CCDC170: variants seen among roughly 807,000 people sequenced by gnomAD.
The protein encoded by CCDC170 is coiled-coil domain-containing protein 170.
Under a neutral mutation model 72.6 loss-of-function variants are expected in CCDC170, and 69 were observed. That is an observed-to-expected ratio of 0.95 (90% CI 0.78 to 1.16). The LOEUF (loss-of-function observed/expected upper bound fraction) is 1.16, where lower values mean the gene tolerates loss of function less well. CCDC170 is among the 50% of genes most tolerant of loss of function. The probability of loss-of-function intolerance (pLI) is 0.00; values close to 1 mark genes in which losing one functional copy is unlikely to be tolerated. For missense variants in CCDC170, 852 were observed against 832.5 expected (o/e 1.02, Z -0.29); for synonymous variants, 300 against 303.9 (o/e 0.99, Z 0.13).
At chr6:151,498,970 C>A (rs13209051) in intron 1 of CCDC170, among the ~76,000 whole-genome samples, 294 of 116,908 alleles carry the variant, frequency 2.5e-3, no homozygotes, top group African/African-American at 0.01. Flanking sequence ...GTATTTGACT[C>A]TTCTAGGCAC....
chr6:151,593,813 C>T (rs1039604900), intron 8 of CCDC170, among the ~76,000 whole-genome samples: 1 of 152,162 alleles, frequency 6.6e-6, no homozygotes, highest in Non-Finnish European at 1.5e-5. Context: ...GCTACATGAA[C>T]TTTTGTTTAT....
At chr6:151,554,011 T>C (rs954824435) in intron 5 of CCDC170, among the ~76,000 whole-genome samples, 1 of 152,174 alleles carries the variant, frequency 6.6e-6, no homozygotes, top group Non-Finnish European at 1.5e-5. Context: ...TCTGATCTGC[T>C]TGAAGACTCT....
At chr6:151,602,427 A>T (rs1162594866) in intron 9 of CCDC170, among the ~76,000 whole-genome samples, 1 of 152,234 alleles carries the variant, frequency 6.6e-6, no homozygotes, top group East Asian at 1.9e-4. Flanking sequence ...GAATTTTAAA[A>T]ATTAGGGATA....
intron 1 of CCDC170, among the ~76,000 whole-genome samples, chr6:151,508,671 C>CCACTG (rs1475483081): frequency 6.6e-6 from 1 of 152,078 alleles, no homozygotes; most frequent in African/African-American, 2.4e-5. Context: ...TGAGATCACA[C>CCACTG]CACTGCACTC....
Position 151,596,578 on chromosome 6 carries a change from G to A in CCDC170, c.1710+1G>A, listed in dbSNP as rs779315882. 7.4e-6 allele frequency: 12 copies of A among 1,613,612 alleles called. No individual in the cohort carries two copies. The highest frequency in any genetic ancestry group is 1.7e-4 in the Middle Eastern group (1 of 6,058). Reference sequence around the variant, plus strand: ...ACTGGCCGACACCAATGAACTGAAGGCAAGTGCTTGGCTTCATTTTGTTGT... The same window carrying A: ...ACTGGCCGACACCAATGAACTGAAGACAAGTGCTTGGCTTCATTTTGTTGT... On this transcript the variant is annotated splice_donor_variant, in intron 9 of 10. Coordinates refer to ENST00000239374, the MANE Select transcript of CCDC170 (RefSeq NM_025059.4). LOFTEE classifies it high-confidence loss of function.
chr6:151,559,561 G>T (rs1292167845), intron 5 of CCDC170, among the ~76,000 whole-genome samples: 1 of 152,064 alleles, frequency 6.6e-6, no homozygotes, highest in Non-Finnish European at 1.5e-5. Flanking sequence ...TTTGTATTCT[G>T]CTACTTTACT....
chr6:151,516,420 G>C (rs1237903508), intron 1 of CCDC170, among the ~76,000 whole-genome samples: 1 of 152,156 alleles, frequency 6.6e-6, no homozygotes, highest in Non-Finnish European at 1.5e-5. Context: ...TGTTTTGTGG[G>C]TTTTGAAATT....
chr6:151,585,897 C>A lies in CCDC170; in HGVS notation c.1101C>A (p.Ser367=), dbSNP rs374240577. The change falls in exon 7 of 11, where the codon TCC becomes TCA. Residue 367 remains serine (S), a synonymous_variant. Transcript: ENST00000239374. ...TGTTTCTTTGTTTCCAGATGGTCTC[C>A]CAGCTTGAAGCCCAAATATCTGAGC... The part of the protein sequence containing the change: ...SREESRDRMV[S]QLEAQISELV... 1 of 1,613,190 alleles carries A rather than the reference C, an allele frequency of 6.2e-7. No homozygotes were observed. The highest frequency in any genetic ancestry group is 1.3e-5 in the African/African-American group (1 of 74,896).
Position 151,554,355 on chromosome 6 carries a change from T to TA in CCDC170, c.774+5867dup, listed in dbSNP as rs1342719096. On this transcript the variant is annotated intron_variant, in intron 5 of 10. Transcript: ENST00000239374. ...TTAAAGCTAGGAAATAAAGTGGTGT[T>TA]AGAGTCAGGCAGGCCTGGATTTGCA... is the stretch of plus-strand genomic sequence containing the variant. Among the ~76,000 whole-genome samples the TA allele has an allele frequency of 5.3e-5, 8 of 152,300 alleles. No homozygotes were observed. In the East Asian group the frequency reaches 1.4e-3, roughly 26 times the overall value.
At chr6:151,523,226 T>G (rs1352482615) in intron 1 of CCDC170, among the ~76,000 whole-genome samples, 1 of 152,120 alleles carries the variant, frequency 6.6e-6, no homozygotes. Flanking sequence ...GTCCTAGAAA[T>G]GATGAAGCAG....
intron 9 of CCDC170, among the ~76,000 whole-genome samples, chr6:151,597,014 T>C (rs941467050): frequency 6.6e-6 from 1 of 152,106 alleles, no homozygotes; most frequent in African/African-American, 2.4e-5. Flanking sequence ...TTAGTGGAGA[T>C]TGGGTTTCTC....
intron 1 of CCDC170, 108 bp downstream of exon 1, chr6:151,494,293 C>A: frequency 1.7e-6 from 2 of 1,199,372 alleles, no homozygotes; most frequent in Non-Finnish European, 2.2e-6. Context: ...GAGGCGTGGG[C>A]AGAATCAGAG....
At chr6:151,608,104 A>G (rs1452008061) in intron 9 of CCDC170, among the ~76,000 whole-genome samples, 1 of 152,096 alleles carries the variant, frequency 6.6e-6, no homozygotes, top group Non-Finnish European at 1.5e-5. Context: ...GATCTAGTCT[A>G]TTGTTGAAGC....
chr6:151,494,798 C>A (rs1211628979), intron 1 of CCDC170, among the ~76,000 whole-genome samples: 1 of 151,620 alleles, frequency 6.6e-6, no homozygotes, highest in Non-Finnish European at 1.5e-5. Flanking sequence ...GGCACATACG[C>A]GAACAAACAC....
In CCDC170 at chr6:151,538,126, A is replaced by G. The variant is rs2115047953; in HGVS notation, c.268A>G (p.Asn90Asp). The G allele has an allele frequency of 6.2e-7, 1 of 1,614,056 alleles. No homozygotes were observed. The highest frequency in any genetic ancestry group is 8.5e-7 in the Non-Finnish European group (1 of 1,179,964). Reference sequence around the variant, plus strand: ...AGCTGAAATGGAGAGCTACAAGGAAAACAATGCCAGAAAATCATCTCTCCT... The same window carrying G: ...AGCTGAAATGGAGAGCTACAAGGAAGACAATGCCAGAAAATCATCTCTCCT... ...LKAEMESYKE[N>D]NARKSSLLTS... The change falls in exon 3 of 11, where the codon AAC becomes GAC. Residue 90 changes from asparagine to aspartate, a missense_variant. Physicochemically the swap from Asn to Asp is conservative, Grantham distance 23. Coordinates refer to ENST00000239374, the MANE Select transcript of CCDC170 (RefSeq NM_025059.4).
At position 151,533,034 on chromosome 6, in the gene CCDC170, T is replaced by C. The variant is rs945791088; in HGVS notation, c.58-3284T>C. ...ATGATGTGGGCAGCTCCTGCTTCAA[T>C]ACCTCTTGACTATTTCTCTTTTTTT... On this transcript the variant is annotated intron_variant, in intron 1 of 10. Coordinates refer to ENST00000239374, the MANE Select transcript of CCDC170 (RefSeq NM_025059.4). Among the ~76,000 whole-genome samples, 7 of 150,500 alleles carry C rather than the reference T, an allele frequency of 4.7e-5. No homozygotes were observed. The East Asian group carries it at 1.2e-3, about 25-fold the overall frequency.
chr6:151,536,534 T>C, intron 2 of CCDC170, 88 bp downstream of exon 2: 6 of 1,480,600 alleles, frequency 4.1e-6, no homozygotes, highest in Non-Finnish European at 5.6e-6. Flanking sequence ...CCCAGCACTT[T>C]GGGAGGCTGA....
chr6:151,592,550 T>C (rs762841927), intron 7 of CCDC170, among the ~76,000 whole-genome samples: 1 of 151,502 alleles, frequency 6.6e-6, no homozygotes, highest in African/African-American at 2.4e-5. Context: ...GCAAAAGGGG[T>C]TTTCCCCTTA....
At chr6:151,499,410 C>T (rs372498567) in intron 1 of CCDC170, among the ~76,000 whole-genome samples, 4 of 132,426 alleles carry the variant, frequency 3.0e-5, no homozygotes, top group Non-Finnish European at 4.7e-5. Flanking sequence ...CTTCTAGGCA[C>T]GCTGTATAAG....
Sources: allele counts gnomAD v4.1 joint callset (sites outside exome capture counted in the v4.1 genomes callset), GRCh38; gene constraint gnomAD v4.1.1; transcripts MANE v1.5; gene names NCBI Gene and HGNC (gene_info 2026-07-23, HGNC 2026-07-21).